The following MAP4K4 variants were observed in gnomAD, a reference collection of about 807,000 sequenced individuals.
The protein encoded by MAP4K4 is HPK/GCK-like kinase HGK.
MAP4K4 carries 38 observed loss-of-function variants against 189.6 expected under a neutral mutation model. The ratio of observed to expected loss-of-function variants is 0.20; its 90% CI spans 0.15 to 0.26. The LOEUF (loss-of-function observed/expected upper bound fraction) is 0.26, where lower values mean the gene tolerates loss of function less well. Ranked by LOEUF, MAP4K4 falls within the 10% of genes least tolerant of loss-of-function variation. MAP4K4 has a pLI of 1.00. For missense variants in MAP4K4, 1,054 were observed against 1,726.9 expected (o/e 0.61, Z 6.91); for synonymous variants, 610 against 624.3 (o/e 0.98, Z 0.34).
intron 2 of MAP4K4, among the ~76,000 whole-genome samples, chr2:101,726,718 G>A (rs1015443093): frequency 2.0e-5 from 3 of 152,326 alleles, no homozygotes; most frequent in African/African-American, 4.8e-5. Context: ...ACATGGGAAA[G>A]AGCAAAATGT....
intron 2 of MAP4K4, among the ~76,000 whole-genome samples, chr2:101,783,960 C>CT (rs1489543985): frequency 6.6e-6 from 1 of 152,156 alleles, no homozygotes; most frequent in Non-Finnish European, 1.5e-5. Context: ...TGTGCTCACC[C>CT]TTTTTTTCCT....
At position 101,750,143 on chromosome 2, in the gene MAP4K4, A is replaced by G. The variant is rs2067976630; in HGVS notation, c.124-40577A>G. ...TAGAACTAGAAATACCATTTGACCC[A>G]GCCATCCCATTACTGGGTATATACC... On this transcript the variant is annotated intron_variant, in intron 2 of 32. Coordinates refer to ENST00000324219, the Ensembl canonical transcript of MAP4K4. Among the ~76,000 whole-genome samples, 3 of 149,688 alleles carry G rather than the reference A, an allele frequency of 2.0e-5. No individual in the cohort carries two copies. The East Asian group carries it at 5.9e-4, about 29-fold the overall frequency.
chr2:101,871,238 C>G (rs552191841), intron 23 of MAP4K4, among the ~76,000 whole-genome samples: 1 of 152,270 alleles, frequency 6.6e-6, no homozygotes, highest in South Asian at 2.1e-4. Flanking sequence ...GTAACAGAAG[C>G]TAGCGCAACA....
chr2:101,726,864 T>TA (rs1458833830), intron 2 of MAP4K4, among the ~76,000 whole-genome samples: 3 of 152,176 alleles, frequency 2.0e-5, no homozygotes, highest in Admixed American at 2.0e-4. Flanking sequence ...ATTTGTATCT[T>TA]ACACTTGTGG....
intron 12 of MAP4K4, among the ~76,000 whole-genome samples, chr2:101,851,118 AC>A (rs1203476440): frequency 6.6e-6 from 1 of 152,234 alleles, no homozygotes; most frequent in African/African-American, 2.4e-5. Context: ...GCTTTTAAAT[AC>A]CAAACTAGAA....
intron 24 of MAP4K4, among the ~76,000 whole-genome samples, 186 bp from the exon 25 acceptor site, chr2:101,873,461 A>G (rs2098113335): frequency 1.3e-5 from 2 of 152,210 alleles, no homozygotes; most frequent in African/African-American, 4.8e-5. Flanking sequence ...TTCCAGGTAA[A>G]GCTGCCCTGA....
At chr2:101,890,194 A>G (rs1014628106) in intron 32 of MAP4K4, among the ~76,000 whole-genome samples, 8 of 152,244 alleles carry the variant, frequency 5.3e-5, no homozygotes, top group African/African-American at 1.9e-4. Flanking sequence ...TGATTTTTAA[A>G]AAGAAATTAG....
chr2:101,885,552 A>G (rs532071416), intron 29 of MAP4K4, among the ~76,000 whole-genome samples: 1 of 152,368 alleles, frequency 6.6e-6, no homozygotes, highest in East Asian at 1.9e-4. Flanking sequence ...GGAAAAGAGA[A>G]CAGTACTTCC....
chr2:101,870,720 A>C, intron 23 of MAP4K4: 1 of 259,692 alleles, frequency 3.9e-6, no homozygotes. Flanking sequence ...GAGTCCTTAA[A>C]CAGGCTCACA....
At position 101,806,438 on chromosome 2, in the gene MAP4K4, C is replaced by T. The variant is rs553852027; in HGVS notation, c.180+15662C>T. Among the ~76,000 whole-genome samples the T allele has an allele frequency of 5.3e-5, 8 of 149,716 alleles. No homozygotes were observed. In the South Asian group the frequency reaches 1.3e-3, roughly 24 times the overall value. ...TCACCCAGGCTGGAGTGCAGTGGCA[C>T]GATCACGGCTCACTGCAACCTCCAC... On this transcript the variant is annotated intron_variant, in intron 3 of 32. Transcript: ENST00000324219.
At chr2:101,718,573 G>C (rs1176084387) in intron 2 of MAP4K4, among the ~76,000 whole-genome samples, 2 of 123,824 alleles carry the variant, frequency 1.6e-5, no homozygotes, top group East Asian at 3.1e-4. Flanking sequence ...GTGGGGGTGG[G>C]GGGGTGGGGG....
chr2:101,782,004 G>A (rs1384399120), intron 2 of MAP4K4, among the ~76,000 whole-genome samples: 1 of 152,144 alleles, frequency 6.6e-6, no homozygotes, highest in East Asian at 1.9e-4. Flanking sequence ...GAATATTACT[G>A]CCTGACGTAA....
At chr2:101,843,671 G>C (rs1351014108) in intron 11 of MAP4K4, among the ~76,000 whole-genome samples, 1 of 152,086 alleles carries the variant, frequency 6.6e-6, no homozygotes, top group Non-Finnish European at 1.5e-5. Flanking sequence ...AAGAAAGTGG[G>C]AGGGAATTAT....
intron 3 of MAP4K4, among the ~76,000 whole-genome samples, chr2:101,819,914 G>A (rs575776145): frequency 6.6e-6 from 1 of 152,320 alleles, no homozygotes; most frequent in South Asian, 2.1e-4. Context: ...TTCAGATTCA[G>A]TGAAATACAT....
chr2:101,789,762 T>G (rs2092526886), intron 2 of MAP4K4, among the ~76,000 whole-genome samples: 1 of 152,164 alleles, frequency 6.6e-6, no homozygotes, highest in East Asian at 1.9e-4. Context: ...CTGGATGCTC[T>G]TTGCTACTGG....
chr2:101,811,201 G>T (rs1244454345), intron 3 of MAP4K4, among the ~76,000 whole-genome samples: 3 of 151,382 alleles, frequency 2.0e-5, no homozygotes, highest in Admixed American at 6.6e-5. Flanking sequence ...GTGAAACCCG[G>T]TCTCTACAAA....
intron 11 of MAP4K4, among the ~76,000 whole-genome samples, 178 bp downstream of exon 11, chr2:101,842,859 G>A (rs931522971): frequency 2.0e-5 from 3 of 152,048 alleles, no homozygotes; most frequent in African/African-American, 7.2e-5. Flanking sequence ...TTCTTCCCTG[G>A]ATCCTCTTAC....
At chr2:101,887,891 C>T (rs1302290602) in exon 31 of MAP4K4, 1 of 1,611,886 alleles carries the variant, frequency 6.2e-7, no homozygotes, top group Non-Finnish European at 8.5e-7. Context: ...ATGGAAGGAT[C>T]ACCAAGGATG....
At chr2:101,804,591 T>C (rs1057209816) in intron 3 of MAP4K4, among the ~76,000 whole-genome samples, 9 of 152,186 alleles carry the variant, frequency 5.9e-5, no homozygotes, top group African/African-American at 2.2e-4. Flanking sequence ...AGTTTTCCTT[T>C]ACCCGTGTTT....
Sources: allele counts gnomAD v4.1 joint callset (sites outside exome capture counted in the v4.1 genomes callset), GRCh38; gene constraint gnomAD v4.1.1; transcripts MANE v1.5; gene names NCBI Gene and HGNC (gene_info 2026-07-23, HGNC 2026-07-21).